Variants in UBR7 observed in about 807,000 individuals in gnomAD.
UBR7 encodes ubiquitin protein ligase E3 component n-recognin 7.
Under a neutral mutation model 57.0 loss-of-function variants are expected in UBR7, and 22 were observed. The ratio of observed to expected loss-of-function variants is 0.39; its 90% confidence interval spans 0.28 to 0.55. The LOEUF is 0.55. Among genes scored for constraint, UBR7 ranks in the 20% least tolerant of loss-of-function variants. The pLI is 0.69. For synonymous variants in UBR7, 167 were observed against 179.8 expected (o/e 0.93, Z 0.57); for missense variants, 395 against 513.2 (o/e 0.77, Z 2.23).
chr14:93,210,335 A>G (rs1430917429), intron 2 of UBR7, among the ~76,000 whole-genome samples: 2 of 152,098 alleles, frequency 1.3e-5, no homozygotes, highest in Non-Finnish European at 2.9e-5. Context: ...CGCCCGCCTC[A>G]GCCTCCCAAA....
chr14:93,220,490 AT>A, intron 9 of UBR7, 79 bp downstream of exon 9: 2 of 1,515,020 alleles, frequency 1.3e-6, no homozygotes, highest in East Asian at 2.3e-5. Context: ...AAACACCTAT[AT>A]TTTTAATTTA....
chr14:93,225,455 C>T (rs1189739740), intron 10 of UBR7, among the ~76,000 whole-genome samples: 3 of 129,024 alleles, frequency 2.3e-5, no homozygotes, highest in East Asian at 2.3e-4. Flanking sequence ...GATGAGACCC[C>T]GCCTCTACAA....
intron 3 of UBR7, among the ~76,000 whole-genome samples, chr14:93,211,197 G>A (rs1894474300): frequency 1.3e-5 from 2 of 151,490 alleles, no homozygotes; most frequent in African/African-American, 2.4e-5. Context: ...CCGAGATTGC[G>A]CCACTGCACT....
rs571088202 is a variant in UBR7 at position 93,221,103 on chromosome 14, G to A, written c.1123+692G>A. ...TGTGACCACAGACGCATGCCACTGCGCCCCCCCAATTTTTTTTTTTTTTTT... is the reference window on the plus strand; with the variant it reads ...TGTGACCACAGACGCATGCCACTGCACCCCCCCAATTTTTTTTTTTTTTTT... On this transcript the variant is annotated intron_variant, in intron 9 of 10. Coordinates refer to ENST00000013070, the MANE Select transcript of UBR7 (RefSeq NM_175748.4). Among the ~76,000 whole-genome samples the A allele has an allele frequency of 4.4e-3, 651 of 148,506 alleles. 2 individuals are homozygous for A. The highest frequency in any genetic ancestry group is 0.015 in the African/African-American group (608 of 40,180).
intron 4 of UBR7, 142 bp from the exon 5 acceptor site, chr14:93,214,787 G>A: frequency 1.3e-6 from 1 of 756,258 alleles, no homozygotes; most frequent in South Asian, 1.5e-5. Flanking sequence ...GAGATTGTTT[G>A]TAAAGTGCTT....
intron 9 of UBR7, among the ~76,000 whole-genome samples, chr14:93,221,556 T>C (rs928251246): frequency 6.6e-6 from 1 of 151,606 alleles, no homozygotes; most frequent in Admixed American, 6.6e-5. Context: ...CACCTGGCCG[T>C]GTCTTTTATT....
chr14:93,208,902 A>G (rs1894424982), intron 1 of UBR7, among the ~76,000 whole-genome samples: 1 of 151,998 alleles, frequency 6.6e-6, no homozygotes, highest in Non-Finnish European at 1.5e-5. Context: ...GGTTCAAGTG[A>G]TTCTCCTGTC....
At chr14:93,226,859 T>C in intron 10 of UBR7, 84 bp from the exon 11 acceptor site, 1 of 885,518 alleles carries the variant, frequency 1.1e-6, no homozygotes, top group Non-Finnish European at 1.9e-6. Flanking sequence ...AACAGTATCA[T>C]TTGACTTGTT....
At chr14:93,212,154 G>C in intron 4 of UBR7, 27 bp downstream of exon 4, 1 of 1,558,176 alleles carries the variant, frequency 6.4e-7, no homozygotes, top group South Asian at 1.1e-5. Context: ...TTAAACCTGG[G>C]GGTGTGTCCC....
In UBR7 at chr14:93,228,394, A is replaced by G; in HGVS notation, c.*1359A>G. 1 of 454,392 alleles carries G rather than the reference A, an allele frequency of 2.2e-6. No individual in the cohort carries two copies. The highest frequency in any genetic ancestry group is 2.0e-5 in the African/African-American group (1 of 50,122). 28.1% of individuals were successfully genotyped at this position (454,392 alleles called of 1,614,324 possible). ...AGACACACCTTGATGTATGTTAATAAAAGCATTTCAGGCTGTGGGGCCACC... is the reference window on the plus strand; with the variant it reads ...AGACACACCTTGATGTATGTTAATAGAAGCATTTCAGGCTGTGGGGCCACC... On this transcript the variant is annotated 3_prime_UTR_variant, in exon 11 of 11. Coordinates refer to ENST00000013070, the MANE Select transcript of UBR7 (RefSeq NM_175748.4).
chr14:93,228,177 C>T lies in UBR7; in HGVS notation c.*1142C>T, dbSNP rs544886643. 5.9e-5 allele frequency: 33 copies of T among 558,294 alleles called. No homozygotes were observed. Among genetic ancestry groups the T allele is most frequent in the East Asian group, 2.9e-4 (7 of 24,180 alleles). The allele number at this position is 558,294 out of a possible 1,614,324, so 34.6% of individuals were successfully genotyped here. On this transcript the variant is annotated 3_prime_UTR_variant, in exon 11 of 11. Coordinates refer to ENST00000013070, the MANE Select transcript of UBR7 (RefSeq NM_175748.4). ...TTAATGTCCACCGCCACTTCCCTAA[C>T]GACTATGAGATCTTTTTTTTGAAGA...
At chr14:93,210,067 A>AAATTAATT in intron 2 of UBR7, 110 bp downstream of exon 2, 2 of 634,414 alleles carry the variant, frequency 3.2e-6, no homozygotes, top group South Asian at 2.7e-5. Flanking sequence ...AACACTAATG[A>AAATTAATT]AATTAATTAA....
At position 93,227,395 on chromosome 14, in the gene UBR7, C is replaced by A. The variant is rs888944067; in HGVS notation, c.*360C>A. 2 of 652,206 alleles carry A rather than the reference C, an allele frequency of 3.1e-6. No homozygotes were observed. The highest frequency in any genetic ancestry group is 5.6e-6 in the Non-Finnish European group (2 of 354,944). 40.4% of individuals were successfully genotyped at this position (652,206 alleles called of 1,614,324 possible). On this transcript the variant is annotated 3_prime_UTR_variant, in exon 11 of 11. Coordinates refer to ENST00000013070, the MANE Select transcript of UBR7 (RefSeq NM_175748.4). ...CAGATGTGTGTGTTTTGCCACAGAG[C>A]TGTTGCCTTCCAGAACCTCCTCCGC...
chr14:93,214,493 C>G (rs1002743198), intron 4 of UBR7, among the ~76,000 whole-genome samples: 1 of 152,150 alleles, frequency 6.6e-6, no homozygotes, highest in Non-Finnish European at 1.5e-5. Flanking sequence ...TTTTTCATAA[C>G]ATTTACTTTT....
intron 10 of UBR7, among the ~76,000 whole-genome samples, chr14:93,224,657 A>G (rs3783892): frequency 0.13 from 20,283 of 152,180 alleles, 1,411 homozygotes; most frequent in African/African-American, 0.17. Context: ...GATTACAGGC[A>G]TGAGCCACCT....
At chr14:93,214,401 CTA>C (rs2140100583) in intron 4 of UBR7, among the ~76,000 whole-genome samples, 1 of 152,288 alleles carries the variant, frequency 6.6e-6, no homozygotes, top group South Asian at 2.1e-4. Context: ...CCAAAATAGT[CTA>C]TGTCCTTTGG....
chr14:93,218,666 T>C lies in UBR7; in HGVS notation c.741T>C (p.Asp247=), dbSNP rs755377011. The change falls in exon 7 of 11, where the codon GAT becomes GAC. Residue 247 remains aspartate (D), a synonymous_variant. Coordinates refer to ENST00000013070, the MANE Select transcript of UBR7 (RefSeq NM_175748.4). The stretch of plus-strand genomic sequence containing the variant: ...ATGTTCCAGAACAGGGAAAGGATGA[T>C]GTCCGGGAGGTTAAAGTAGAGCAGA... ...KEDVPEQGKD[D]VREVKVEQNS... 6.2e-7 allele frequency: 1 copy of C among 1,614,022 alleles called. No individual in the cohort carries two copies. The highest frequency in any genetic ancestry group is 1.3e-5 in the African/African-American group (1 of 74,902).
intron 6 of UBR7, among the ~76,000 whole-genome samples, chr14:93,216,187 C>T (rs1216875565): frequency 2.0e-5 from 3 of 152,166 alleles, no homozygotes; most frequent in African/African-American, 7.2e-5. Context: ...AAGTGGACTA[C>T]AGGCACACAC....
chr14:93,223,993 T>G, intron 10 of UBR7: 9 of 766,862 alleles, frequency 1.2e-5, no homozygotes, highest in Non-Finnish European at 2.1e-5. Flanking sequence ...TTAACTGAGA[T>G]ACGAAGTACC....
Sources: allele counts gnomAD v4.1 joint callset (sites outside exome capture counted in the v4.1 genomes callset), GRCh38; gene constraint gnomAD v4.1.1; transcripts MANE v1.5; gene names NCBI Gene and HGNC (gene_info 2026-07-23, HGNC 2026-07-21).